Variants in ADGRA3 observed in about 807,000 individuals in gnomAD.
ADGRA3 encodes adhesion G protein-coupled receptor A3, also known as G-protein coupled receptor 125.
A neutral mutation model predicts 119.8 loss-of-function variants in ADGRA3; 56 were observed. The observed-to-expected ratio is 0.47, with a 90% CI of 0.38 to 0.58. The LOEUF (loss-of-function observed/expected upper bound fraction) is 0.58, where lower values mean the gene tolerates loss of function less well. Ranked by LOEUF, ADGRA3 falls within the 20% of genes least tolerant of loss-of-function variation. The probability of loss-of-function intolerance (pLI) is 0.00; values close to 1 mark genes in which losing one functional copy is unlikely to be tolerated. For synonymous variants in ADGRA3, 607 were observed against 623.8 expected, an observed-to-expected ratio of 0.97 and a Z score of 0.40; for missense variants, 1,516 against 1,649.0, an observed-to-expected ratio of 0.92 and a Z score of 1.40.
At chr4:22,395,269 C>T (rs1352755192) in intron 16 of ADGRA3, among the ~76,000 whole-genome samples, 4 of 152,182 alleles carry the variant, frequency 2.6e-5, no homozygotes, top group Admixed American at 1.3e-4. Flanking sequence ...TAACTGTAAA[C>T]TCTCACATAC....
At chr4:22,510,009 CAAAAAAAAAAAAA>C (rs545010218) in intron 1 of ADGRA3, among the ~76,000 whole-genome samples, 1 of 98,896 alleles carries the variant, frequency 1.0e-5, no homozygotes, top group East Asian at 3.0e-4. Context: ...GACTCCGTCT[CAAAAAAAAAAAAA>C]AAAAAAGAAA....
At chr4:22,506,383 T>C (rs528084083) in intron 1 of ADGRA3, among the ~76,000 whole-genome samples, 3 of 152,052 alleles carry the variant, frequency 2.0e-5, no homozygotes, top group South Asian at 4.2e-4. Context: ...AGAAAACCCA[T>C]CTCTAGCAAA....
At chr4:22,459,367 T>C (rs1327167089) in intron 3 of ADGRA3, among the ~76,000 whole-genome samples, 1 of 151,322 alleles carries the variant, frequency 6.6e-6, no homozygotes, top group African/African-American at 2.4e-5. Flanking sequence ...AACTAATGAG[T>C]ACTAGGCTTA....
At chr4:22,503,264 A>G (rs1719112683) in intron 1 of ADGRA3, among the ~76,000 whole-genome samples, 1 of 152,224 alleles carries the variant, frequency 6.6e-6, no homozygotes, top group Non-Finnish European at 1.5e-5. Flanking sequence ...TAAAAATAAT[A>G]ATAAATCTAA....
At chr4:22,469,415 G>A (rs961986076) in intron 2 of ADGRA3, among the ~76,000 whole-genome samples, 3 of 152,116 alleles carry the variant, frequency 2.0e-5, no homozygotes, top group African/African-American at 7.2e-5. Flanking sequence ...TCACTTCATT[G>A]AATGAATGAA....
In ADGRA3 at chr4:22,420,947, A is replaced by G; in HGVS notation, c.1748T>C (p.Leu583Pro). 2.5e-6 allele frequency: 4 copies of G among 1,614,128 alleles called. No homozygotes were observed. The highest frequency in any genetic ancestry group is 3.4e-6 in the Non-Finnish European group (4 of 1,179,990). ...GCACTTAAAGCTCAGCTGCTTATCC[A>G]GGTTTCCCTCTGGATCCCGCCTCCC... ...DYGRRDPEGNLDKQLSFKCNV... is the reference protein window; with the variant it reads ...DYGRRDPEGNPDKQLSFKCNV... Residue 583 changes from leucine to proline, a missense_variant, in exon 12 of 19, where the codon CTG (leucine) becomes CCG (proline). Leu to Pro is a moderately conservative substitution (Grantham distance 98). This residue lies in a region of ADGRA3 where 1,088 missense variants were observed against 1,107.1 expected (regional missense o/e 0.98). Transcript: ENST00000334304.
intron 5 of ADGRA3, among the ~76,000 whole-genome samples, chr4:22,446,217 T>G (rs1190123998): frequency 6.6e-6 from 1 of 152,064 alleles, no homozygotes; most frequent in Non-Finnish European, 1.5e-5. Flanking sequence ...AAAATAAATT[T>G]AAATAATACC....
intron 10 of ADGRA3, among the ~76,000 whole-genome samples, chr4:22,432,361 G>C (rs1034320044): frequency 6.6e-6 from 1 of 152,088 alleles, no homozygotes; most frequent in African/African-American, 2.4e-5. Context: ...CTGATGTGTG[G>C]TGAAGTTCTA....
intron 10 of ADGRA3, among the ~76,000 whole-genome samples, chr4:22,433,608 A>G (rs1029617515): frequency 7.2e-5 from 11 of 152,208 alleles, no homozygotes; most frequent in Non-Finnish European, 1.6e-4. Context: ...ACCTCTGGAC[A>G]CCACGTTGCT....
intron 1 of ADGRA3, among the ~76,000 whole-genome samples, chr4:22,495,069 A>G (rs1718763125): frequency 6.6e-6 from 1 of 151,994 alleles, no homozygotes; most frequent in Non-Finnish European, 1.5e-5. Flanking sequence ...AATTATGTGA[A>G]TGTGGTTTCT....
At chr4:22,490,900 C>T (rs1015287373) in intron 1 of ADGRA3, among the ~76,000 whole-genome samples, 1 of 152,104 alleles carries the variant, frequency 6.6e-6, no homozygotes, top group Non-Finnish European at 1.5e-5. Flanking sequence ...GTCGGAAGTC[C>T]AGGCACAGGG....
chr4:22,513,845 CAAAAAAAA>C lies in ADGRA3; in HGVS notation c.257+1675_257+1682del, dbSNP rs59015584. On this transcript the variant is annotated intron_variant, in intron 1 of 18. Coordinates refer to ENST00000334304, the MANE Select transcript of ADGRA3 (RefSeq NM_145290.4). ...TATTTTCATCTAAAAAGCTTTCAGGCAAAAAAAAAAAAAAAAAAAAAAAAAAAAACTGG... is the reference window on the plus strand; with the variant it reads ...TATTTTCATCTAAAAAGCTTTCAGGCAAAAAAAAAAAAAAAAAAAAACTGG... 1.2e-3 allele frequency among the ~76,000 whole-genome samples: 38 copies of C among 31,476 alleles called. No homozygotes were observed. In the South Asian group the frequency reaches 0.018, roughly 15 times the overall value. 20.6% of individuals were successfully genotyped at this position (31,476 alleles called of 152,430 possible). A position where few individuals can be genotyped will look rare whatever the true frequency, so the allele number is the denominator to read the frequency against.
chr4:22,507,235 A>G (rs575376850), intron 1 of ADGRA3, among the ~76,000 whole-genome samples: 45 of 152,076 alleles, frequency 3.0e-4, no homozygotes, highest in Non-Finnish European at 5.3e-4. Flanking sequence ...GCAAGATTCC[A>G]TCTCAAAAAA....
At chr4:22,443,713 C>T (rs1441714233) in intron 6 of ADGRA3, among the ~76,000 whole-genome samples, 1 of 151,940 alleles carries the variant, frequency 6.6e-6, no homozygotes, top group Admixed American at 6.6e-5. Context: ...TATAAAATAT[C>T]ATTAGAGTGT....
intron 10 of ADGRA3, among the ~76,000 whole-genome samples, chr4:22,428,105 T>C (rs1716014764): frequency 6.6e-6 from 1 of 152,186 alleles, no homozygotes; most frequent in African/African-American, 2.4e-5. Context: ...TCTGATGTTA[T>C]CATATTAATA....
At chr4:22,506,461 A>G (rs1719244427) in intron 1 of ADGRA3, among the ~76,000 whole-genome samples, 1 of 152,128 alleles carries the variant, frequency 6.6e-6, no homozygotes, top group African/African-American at 2.4e-5. Flanking sequence ...GCTGAGGCAC[A>G]AGAATCACTT....
chr4:22,415,394 T>C (rs1159137150), intron 12 of ADGRA3, among the ~76,000 whole-genome samples: 1 of 152,178 alleles, frequency 6.6e-6, no homozygotes, highest in Non-Finnish European at 1.5e-5. Flanking sequence ...CAAGAAAATA[T>C]TTAGTAGAAA....
intron 1 of ADGRA3, among the ~76,000 whole-genome samples, chr4:22,497,936 C>A (rs1170248385): frequency 1.4e-5 from 2 of 142,274 alleles, no homozygotes; most frequent in Non-Finnish European, 1.6e-5. Context: ...AGAAAAAGAC[C>A]CCATCTAAAA....
At chr4:22,493,740 G>C (rs1718710060) in intron 1 of ADGRA3, among the ~76,000 whole-genome samples, 1 of 152,264 alleles carries the variant, frequency 6.6e-6, no homozygotes, top group East Asian at 1.9e-4. Flanking sequence ...ATAGGAGCTA[G>C]GCAAAATGAG....
Sources: gnomAD v4.1 joint callset for allele counts (sites outside exome capture counted in the v4.1 genomes callset) on GRCh38, gnomAD v4.1.1 for gene constraint, gnomAD v4.1.1 regional missense constraint, MANE v1.5 for transcripts, NCBI Gene and HGNC (gene_info 2026-07-23, HGNC 2026-07-21) for gene names.